The following XCR1 variants were observed in gnomAD, a reference collection of about 807,000 sequenced individuals.
The protein encoded by XCR1 is X-C motif chemokine receptor 1.
For synonymous variants in XCR1, 187 were observed against 188.5 expected (o/e 0.99, Z 0.06); for missense variants, 356 against 424.2 (o/e 0.84, Z 1.41).
At chr3:46,050,732 C>A (rs2125899217) in intron 5 of XCR1, among the ~76,000 whole-genome samples, 1 of 152,164 alleles carries the variant, frequency 6.6e-6, no homozygotes, top group African/African-American at 2.4e-5. Context: ...ACAGAGAAGG[C>A]AAATAGAGGC....
intron 4 of XCR1, among the ~76,000 whole-genome samples, chr3:46,057,017 T>C (rs1462750534): frequency 6.6e-6 from 1 of 152,174 alleles, no homozygotes; most frequent in Non-Finnish European, 1.5e-5. Flanking sequence ...TGAAATACTC[T>C]CAGCATTAAA....
chr3:46,057,878 G>GTCTA (rs1553634096), intron 4 of XCR1, among the ~76,000 whole-genome samples: 5 of 124,196 alleles, frequency 4.0e-5, no homozygotes, highest in Non-Finnish European at 5.0e-5. Context: ...CATCTTATCT[G>GTCTA]TCTGTCTATC....
intron 4 of XCR1, among the ~76,000 whole-genome samples, chr3:46,062,012 G>T (rs974188199): frequency 6.6e-6 from 1 of 152,156 alleles, no homozygotes. Context: ...GATCATGAAG[G>T]GAGTGCCATA....
intron 5 of XCR1, among the ~76,000 whole-genome samples, chr3:46,036,384 G>A (rs562601662): frequency 6.6e-6 from 1 of 152,212 alleles, no homozygotes; most frequent in Non-Finnish European, 1.5e-5. Flanking sequence ...GTGTAACCAC[G>A]TAAACCAATG....
chr3:46,035,204 A>G lies in XCR1; in HGVS notation c.-31-13226T>C, dbSNP rs183373874. Reference sequence around the variant, plus strand: ...TCCTGACCTCCTGATCTGCCCACCTAGGCCTCCCAAAGTGTCGGGATTACA... The same window carrying G: ...TCCTGACCTCCTGATCTGCCCACCTGGGCCTCCCAAAGTGTCGGGATTACA... On this transcript the variant is annotated intron_variant, in intron 5 of 5. Coordinates refer to the XCR1 transcript ENST00000683768. Among the ~76,000 whole-genome samples, 27 of 152,166 alleles carry G rather than the reference A, an allele frequency of 1.8e-4. No individual in the cohort carries two copies. In the East Asian group the frequency reaches 5.2e-3, roughly 29 times the overall value.
chr3:46,045,861 C>G (rs1359489300), intron 5 of XCR1, among the ~76,000 whole-genome samples: 1 of 152,092 alleles, frequency 6.6e-6, no homozygotes, highest in African/African-American at 2.4e-5. Context: ...CAATCCCACT[C>G]CTAGGTATGT....
At chr3:46,040,026 T>G (rs927607510) in intron 5 of XCR1, among the ~76,000 whole-genome samples, 1 of 152,228 alleles carries the variant, frequency 6.6e-6, no homozygotes, top group African/African-American at 2.4e-5. Flanking sequence ...AGCTTTAACG[T>G]TAATAATACC....
At chr3:46,055,383 A>T (rs761715229) in intron 4 of XCR1, among the ~76,000 whole-genome samples, 23 of 152,184 alleles carry the variant, frequency 1.5e-4, no homozygotes, top group Non-Finnish European at 8.8e-5. Flanking sequence ...CCAGATCCCA[A>T]ATTCCAGCCA....
chr3:46,048,386 C>T (rs1697674456), intron 5 of XCR1, among the ~76,000 whole-genome samples: 2 of 152,132 alleles, frequency 1.3e-5, no homozygotes, highest in Non-Finnish European at 1.5e-5. Flanking sequence ...TTTGCCTGTC[C>T]CTGACACTCC....
chr3:46,032,083 A>G (rs1008109179), upstream of XCR1, among the ~76,000 whole-genome samples: 1 of 152,194 alleles, frequency 6.6e-6, no homozygotes, highest in Admixed American at 6.5e-5. Context: ...TGCATACTTC[A>G]TTCTTCTGGT....
intron 1 of XCR1, among the ~76,000 whole-genome samples, chr3:46,022,980 A>G (rs1708188100): frequency 6.6e-6 from 1 of 152,228 alleles, no homozygotes; most frequent in Non-Finnish European, 1.5e-5. Context: ...ATGAATGGAG[A>G]GATAGAAAGT....
Position 46,059,139 on chromosome 3 carries a change from G to A in XCR1, c.-182-5069C>T, listed in dbSNP as rs1268683056. 2.0e-5 allele frequency among the ~76,000 whole-genome samples: 3 copies of A among 152,330 alleles called. No individual in the cohort carries two copies. In the East Asian group the frequency reaches 5.8e-4, roughly 29 times the overall value. On this transcript the variant is annotated intron_variant, in intron 4 of 5. Coordinates refer to the XCR1 transcript ENST00000683768. Reference sequence around the variant, plus strand: ...CCTTGAAGGCACAAGAAAGTTAGCTGAGGAAGTGGCCCATATACCTATAGA... The same window carrying A: ...CCTTGAAGGCACAAGAAAGTTAGCTAAGGAAGTGGCCCATATACCTATAGA...
In XCR1 at chr3:46,073,729, C is replaced by CAAA. The variant is rs1259288191; in HGVS notation, c.-263+921_-263+922insTTT. Among the ~76,000 whole-genome samples the CAAA allele has an allele frequency of 2.8e-3, 432 of 151,678 alleles. 1 individual carries two copies. The highest frequency in any genetic ancestry group is 0.01 in the African/African-American group (418 of 41,288). On this transcript the variant is annotated intron_variant, in intron 3 of 5. Coordinates refer to the XCR1 transcript ENST00000683768. ...ACAAGGAATTCAAACAACTCAACAA[C>CAAA]AACAAAATACAAATAACCCCATTAA... is the stretch of plus-strand genomic sequence containing the variant.
At chr3:46,081,408 T>G (rs1698360077) in intron 1 of XCR1, among the ~76,000 whole-genome samples, 1 of 152,226 alleles carries the variant, frequency 6.6e-6, no homozygotes, top group Non-Finnish European at 1.5e-5. Flanking sequence ...ATGAAGGAAC[T>G]TATGAACTTG....
chr3:46,024,274 A>G (rs774680897), intron 1 of XCR1: 5 of 309,776 alleles, frequency 1.6e-5, no homozygotes, highest in Non-Finnish European at 3.0e-5. Context: ...TGGTCCCGGA[A>G]ATGTTTCATC....
At chr3:46,075,308 C>CAAA (rs56787185) in intron 2 of XCR1, among the ~76,000 whole-genome samples, 708 of 60,840 alleles carry the variant, frequency 0.012, no homozygotes, top group African/African-American at 0.013. Flanking sequence ...GCTCATAGAC[C>CAAA]AAAAAAAAAA....
At chr3:46,030,860 A>G (rs1314078800), upstream of XCR1, among the ~76,000 whole-genome samples, 1 of 152,248 alleles carries the variant, frequency 6.6e-6, no homozygotes, top group Non-Finnish European at 1.5e-5. Context: ...CCTCTGCCGC[A>G]GCCTCAACTC....
chr3:46,078,070 CT>C lies in XCR1; in HGVS notation c.-514-1145del, dbSNP rs1405228880. On this transcript the variant is annotated intron_variant, in intron 1 of 5. Transcript: ENST00000683768. ...GTAACAAACATGCACATGTAACCCC[CT>C]GAATCTAAAATAAAAGTTGAAATTA... 6.6e-5 allele frequency among the ~76,000 whole-genome samples: 10 copies of C among 152,250 alleles called. 1 individual carries two copies. The Middle Eastern group carries it at 0.017, about 259-fold the overall frequency.
rs549835585 is a variant in XCR1 at position 46,069,252 on chromosome 3, A to G, written c.-262-2274T>C. Among the ~76,000 whole-genome samples the G allele has an allele frequency of 3.9e-5, 6 of 152,270 alleles. No homozygotes were observed. In the South Asian group the frequency reaches 8.3e-4, roughly 21 times the overall value. ...GTAAGTAGAAAAAAAGGAAAAAAAT[A>G]AGGAGCAAAATTAATAAAACTGAAA... is the stretch of plus-strand genomic sequence containing the variant. On this transcript the variant is annotated intron_variant, in intron 3 of 5. Transcript: ENST00000683768.
Sources: gnomAD v4.1 joint callset for allele counts (sites outside exome capture counted in the v4.1 genomes callset) on GRCh38, gnomAD v4.1.1 for gene constraint, MANE v1.5 for transcripts, NCBI Gene and HGNC (gene_info 2026-07-23, HGNC 2026-07-21) for gene names.